Variants in EFCAB12 observed in about 807,000 individuals in gnomAD.
The protein encoded by EFCAB12 is EF-hand calcium-binding domain-containing protein 12.
In EFCAB12, 43 loss-of-function variants were observed where a neutral mutation model predicts 53.6. That is an observed-to-expected ratio of 0.80 (90% CI 0.63 to 1.03). The LOEUF (loss-of-function observed/expected upper bound fraction) is 1.03, where lower values mean the gene tolerates loss of function less well. Among genes scored for constraint, EFCAB12 ranks in the 50% least tolerant of loss-of-function variants. The pLI is 0.00. For synonymous variants in EFCAB12, 269 were observed against 289.2 expected (o/e 0.93, Z 0.71); for missense variants, 646 against 730.6 (o/e 0.88, Z 1.34).
rs759889237 is a variant in EFCAB12, at chr3:129,409,463, G to GAAGAA, written c.1036-610_1036-606dup. ...CTCAAAAAAAGAAAAGAAAAGAAGAGAAGAAAAGAAAAGTGACATTTAAAT... is the reference window on the plus strand; with the variant it reads ...CTCAAAAAAAGAAAAGAAAAGAAGAGAAGAAAAGAAAAGAAAAGTGACATTTAAAT... On this transcript the variant is annotated intron_variant, in intron 5 of 8. Coordinates refer to ENST00000505956, the MANE Select transcript of EFCAB12 (RefSeq NM_207307.3). Among the ~76,000 whole-genome samples the GAAGAA allele has an allele frequency of 1.1e-4, 16 of 152,086 alleles. No individual in the cohort carries two copies. In the East Asian group the frequency reaches 1.4e-3, roughly 13 times the overall value.
rs1454879918 is a variant in EFCAB12 at position 129,401,410 on chromosome 3, C to CACAT, written c.*179_*182dup. 19 of 742,410 alleles carry CACAT rather than the reference C, an allele frequency of 2.6e-5. No homozygotes were observed. The Admixed American group carries it at 6.0e-4, about 24-fold the overall frequency. 46.0% of individuals were successfully genotyped at this position (742,410 alleles called of 1,614,324 possible). A position where few individuals can be genotyped will look rare whatever the true frequency, so the allele number is the denominator to read the frequency against. ...CAAAAACTGCACGTCATTCCTTGGA[C>CACAT]ACATCTACCCTCTGAGACACTGGAC... On this transcript the variant is annotated 3_prime_UTR_variant, in exon 9 of 9. Coordinates refer to ENST00000505956, the MANE Select transcript of EFCAB12 (RefSeq NM_207307.3).
At chr3:129,417,337 AAAC>A (rs2072129335) in intron 3 of EFCAB12, among the ~76,000 whole-genome samples, 2 of 137,662 alleles carry the variant, frequency 1.5e-5, no homozygotes, top group Non-Finnish European at 3.0e-5. Flanking sequence ...AAAAAAAAAA[AAAC>A]CAAAAAAAAA....
At position 129,404,372 on chromosome 3, in the gene EFCAB12, G is replaced by A. The variant is rs1043099592; in HGVS notation, c.1281C>T (p.Phe427=). The change falls in exon 7 of 9, where the codon TTC becomes TTT. Residue 427 remains phenylalanine, a synonymous_variant. Transcript: ENST00000505956. ...GGATGGGGCACACTTTGTCCATCTG[G>A]AAAATGATCTTGTCTCCTGGGTACA... is the stretch of plus-strand genomic sequence containing the variant. The part of the protein sequence containing the change: ...ALLYPGDKII[F]QMDKVCPIRQ... 6.2e-7 allele frequency: 1 copy of A among 1,613,746 alleles called. No individual in the cohort carries two copies. Among genetic ancestry groups the A allele is most frequent in the African/African-American group, 1.3e-5 (1 of 74,928 alleles).
intron 3 of EFCAB12, among the ~76,000 whole-genome samples, chr3:129,417,313 G>A (rs1188140470): frequency 1.2e-4 from 13 of 111,396 alleles, no homozygotes; most frequent in African/African-American, 4.6e-4. Context: ...GACAGAGTGA[G>A]ACTCTGCCTC....
chr3:129,412,431 T>C (rs56403128), intron 4 of EFCAB12: 2,177 of 13,304 alleles, frequency 0.16, 36 homozygotes, highest in Non-Finnish European at 0.23. Context: ...GATGGATGGA[T>C]AGATAGATAG....
At chr3:129,410,526 T>G (rs4322997) in intron 5 of EFCAB12, among the ~76,000 whole-genome samples, 1 of 152,034 alleles carries the variant, frequency 6.6e-6, no homozygotes, top group Admixed American at 6.5e-5. Flanking sequence ...CTATGTTGCC[T>G]AGGATGGCCT....
At chr3:129,409,050 G>T (rs2071995267) in intron 5 of EFCAB12, among the ~76,000 whole-genome samples, 192 bp from the exon 6 acceptor site, 1 of 152,214 alleles carries the variant, frequency 6.6e-6, no homozygotes, top group Non-Finnish European at 1.5e-5. Flanking sequence ...AGAAGCTCAG[G>T]TTCTGAAGTC....
chr3:129,405,535 A>T (rs2071937731), intron 6 of EFCAB12, among the ~76,000 whole-genome samples: 1 of 152,180 alleles, frequency 6.6e-6, no homozygotes, highest in East Asian at 1.9e-4. Flanking sequence ...ACAACAGCCA[A>T]CTCAGGCTGG....
At chr3:129,419,694 G>A (rs2072166036) in intron 2 of EFCAB12, among the ~76,000 whole-genome samples, 1 of 152,202 alleles carries the variant, frequency 6.6e-6, no homozygotes, top group Admixed American at 6.5e-5. Context: ...TGTGGCCCAG[G>A]CCAACATCCT....
intron 1 of EFCAB12, among the ~76,000 whole-genome samples, chr3:129,422,832 C>T (rs2072206366): frequency 6.6e-6 from 1 of 152,102 alleles, no homozygotes; most frequent in African/African-American, 2.4e-5. Flanking sequence ...TCACAGGCAG[C>T]TCATTTTCTT....
At chr3:129,415,149 T>G in intron 4 of EFCAB12, 96 bp downstream of exon 4, 14 of 1,412,426 alleles carry the variant, frequency 9.9e-6, no homozygotes, top group East Asian at 2.7e-5. Context: ...GGGAACACAC[T>G]GAGGAAGTGA....
At chr3:129,428,319 G>T in intron 1 of EFCAB12, 121 bp downstream of exon 1, 1 of 1,364,682 alleles carries the variant, frequency 7.3e-7, no homozygotes, top group Non-Finnish European at 1.0e-6. Flanking sequence ...CGACTCCATG[G>T]CAACCCTTCA....
At chr3:129,410,318 AT>A (rs11321465) in intron 5 of EFCAB12, among the ~76,000 whole-genome samples, 31,349 of 143,888 alleles carry the variant, frequency 0.22, 4,518 homozygotes, top group African/African-American at 0.43. Flanking sequence ...CCTGTATATA[AT>A]TTTTTTTTTT....
chr3:129,425,813 C>T (rs1194322881), intron 1 of EFCAB12, among the ~76,000 whole-genome samples: 1 of 152,240 alleles, frequency 6.6e-6, no homozygotes, highest in Non-Finnish European at 1.5e-5. Context: ...AGGTCAGGGA[C>T]ACTCTCCTCA....
chr3:129,411,093 C>G lies in EFCAB12; in HGVS notation c.1035+65G>C, dbSNP rs965447232. On this transcript the variant is annotated intron_variant, in intron 5 of 8. Coordinates refer to ENST00000505956, the MANE Select transcript of EFCAB12 (RefSeq NM_207307.3). ...CTGCAGCCAGCGGGTGGTGCTGCTG[C>G]GGTGATCTGAACCCCAGCTGCTCCA... The G allele has an allele frequency of 4.6e-6, 7 of 1,508,076 alleles. No individual in the cohort carries two copies. In the African/African-American group the frequency reaches 6.9e-5, roughly 15 times the overall value. 93.4% of individuals were successfully genotyped at this position (1,508,076 alleles called of 1,614,324 possible). A position where few individuals can be genotyped will look rare whatever the true frequency, so the allele number is the denominator to read the frequency against.
chr3:129,411,461 C>T (rs1475860009), intron 4 of EFCAB12, 107 bp from the exon 5 acceptor site: 5 of 1,168,632 alleles, frequency 4.3e-6, no homozygotes, highest in Non-Finnish European at 4.8e-6. Context: ...CAGGCCACCC[C>T]TCCGCTCCCT....
chr3:129,421,671 A>G lies in EFCAB12; in HGVS notation c.182T>C (p.Met61Thr), dbSNP rs1264926755. The change falls in exon 2 of 9, where the codon ATG becomes ACG. Residue 61 changes from methionine to threonine, a missense_variant. Coordinates refer to ENST00000505956, the MANE Select transcript of EFCAB12 (RefSeq NM_207307.3). ...RLPQTRRRIIMVPRKEDQTPL... is the reference protein window; with the variant it reads ...RLPQTRRRIITVPRKEDQTPL... ...TGTCTGATCCTCCTTGCGAGGCACC[A>G]TGATGATTCGCCGGCGGGTCTGAGG... 2.5e-6 allele frequency: 4 copies of G among 1,613,960 alleles called. No individual in the cohort carries two copies. The highest frequency in any genetic ancestry group is 2.7e-5 in the African/African-American group (2 of 75,040).
At chr3:129,403,384 A>C (rs2071901973) in intron 7 of EFCAB12, 1 of 152,330 alleles carries the variant, frequency 6.6e-6, no homozygotes, top group Non-Finnish European at 1.5e-5. Context: ...GTATGGTAGG[A>C]GCTACTAGGC....
chr3:129,421,225 TA>T, intron 2 of EFCAB12, 141 bp downstream of exon 2: 1 of 929,828 alleles, frequency 1.1e-6, no homozygotes, highest in Non-Finnish European at 1.6e-6. Flanking sequence ...ACTAGACAAC[TA>T]ATACACCTCC....
Sources: gnomAD v4.1 joint callset for allele counts (sites outside exome capture counted in the v4.1 genomes callset) on GRCh38, gnomAD v4.1.1 for gene constraint, MANE v1.5 for transcripts, NCBI Gene and HGNC (gene_info 2026-07-23, HGNC 2026-07-21) for gene names.